Variants in LRRC39 observed in about 807,000 individuals in gnomAD.
The protein encoded by LRRC39 is leucine-rich repeat-containing protein 39.
In LRRC39, 35 loss-of-function variants were observed where a neutral mutation model predicts 39.7. The ratio of observed to expected loss-of-function variants is 0.88; its 90% CI spans 0.67 to 1.17. The LOEUF (loss-of-function observed/expected upper bound fraction) is 1.17. Ranked by LOEUF, LRRC39 falls within the 50% of genes most tolerant of loss-of-function variation. The pLI is 0.00. For synonymous variants in LRRC39, 113 were observed against 134.1 expected (o/e 0.84, Z 1.09); for missense variants, 357 against 385.8 (o/e 0.93, Z 0.62).
intron 4 of LRRC39, among the ~76,000 whole-genome samples, chr1:100,159,987 A>G (rs577619584): frequency 5.3e-5 from 8 of 152,284 alleles, no homozygotes; most frequent in African/African-American, 1.9e-4. Flanking sequence ...AAAAACAAAC[A>G]CTGACCCAAG....
At chr1:100,153,622 G>T (rs1658226930) in intron 8 of LRRC39, among the ~76,000 whole-genome samples, 1 of 152,028 alleles carries the variant, frequency 6.6e-6, no homozygotes, top group Non-Finnish European at 1.5e-5. Flanking sequence ...GCGGGCAAAG[G>T]ACATGAACAG....
chr1:100,174,996 C>G (rs563685748), intron 1 of LRRC39, among the ~76,000 whole-genome samples: 1 of 150,286 alleles, frequency 6.7e-6, no homozygotes, highest in Non-Finnish European at 1.5e-5. Context: ...GGCACCTCCC[C>G]CTGCTCCCTC....
chr1:100,165,877 T>TC (rs1659202800), intron 3 of LRRC39, among the ~76,000 whole-genome samples: 1 of 150,410 alleles, frequency 6.6e-6, no homozygotes, highest in African/African-American at 2.4e-5. Context: ...CCCTTTCTTT[T>TC]TTTTTTTTTT....
Position 100,168,481 on chromosome 1 carries a change from A to G in LRRC39, c.36T>C (p.Asn12=), listed in dbSNP as rs1298445844. ...TENVVCTGAV[N]AVKEVWEKRI... ...TTTTTTCCCAAACTTCCTTTACAGC[A>G]TTGACAGCCCCAGTACAAACCACAT... Residue 12 remains asparagine, a synonymous_variant, in exon 3 of 10, where the codon AAT becomes AAC. Coordinates refer to ENST00000370137, the MANE Select transcript of LRRC39 (RefSeq NM_144620.4). 2 of 1,612,724 alleles carry G rather than the reference A, an allele frequency of 1.2e-6. No homozygotes were observed. Among genetic ancestry groups the G allele is most frequent in the South Asian group, 2.2e-5 (2 of 90,756 alleles).
At chr1:100,149,934 A>G (rs976271332) in intron 9 of LRRC39, 6 of 152,674 alleles carry the variant, frequency 3.9e-5, no homozygotes, top group African/African-American at 7.2e-5. Context: ...TGATTTGTAA[A>G]TAAGAAGCCT....
In LRRC39 at chr1:100,168,573, T is replaced by C; in HGVS notation, c.-57A>G. On this transcript the variant is annotated 5_prime_UTR_variant, in exon 3 of 10. An upstream start codon of the reference 5' UTR is lost. Transcript: ENST00000370137. ...CATTAGGTTTTGAATAGCTGAATCATAGATACCATTTCAGAAAGGACCTAA... is the reference window on the plus strand; with the variant it reads ...CATTAGGTTTTGAATAGCTGAATCACAGATACCATTTCAGAAAGGACCTAA... 7.7e-7 allele frequency: 1 copy of C among 1,307,144 alleles called. No homozygotes were observed. The highest frequency in any genetic ancestry group is 1.3e-5 in the South Asian group (1 of 79,026). The allele number at this position is 1,307,144 out of a possible 1,614,324, so 81.0% of individuals were successfully genotyped here.
Position 100,156,217 on chromosome 1 carries a change from T to A in LRRC39, c.614A>T (p.Asp205Val), listed in dbSNP as rs776872460. 28 of 1,613,866 alleles carry A rather than the reference T, an allele frequency of 1.7e-5. No homozygotes were observed. Among genetic ancestry groups the A allele is most frequent in the Non-Finnish European group, 2.4e-5 (28 of 1,179,906 alleles). ...TTGTTCAAGTTTGTTGCTTCCCATGTCCAGCCACTCAAGGGCAGGCATGTT... is the reference window on the plus strand; with the variant it reads ...TTGTTCAAGTTTGTTGCTTCCCATGACCAGCCACTCAAGGGCAGGCATGTT... Reference protein sequence around the residue: ...VLNMPALEWLDMGSNKLEQLP... With the variant: ...VLNMPALEWLVMGSNKLEQLP... Residue 205 changes from aspartate to valine, a missense_variant, in exon 7 of 10, where the codon GAC becomes GTC. Physicochemically the swap from Asp to Val is radical, Grantham distance 152. Coordinates refer to ENST00000370137, the MANE Select transcript of LRRC39 (RefSeq NM_144620.4).
At chr1:100,164,590 T>C (rs1475129445) in intron 3 of LRRC39, among the ~76,000 whole-genome samples, 1 of 152,248 alleles carries the variant, frequency 6.6e-6, no homozygotes, top group African/African-American at 2.4e-5. Context: ...TAAATTTCTA[T>C]GAATTTTCCA....
At chr1:100,149,455 A>G in intron 9 of LRRC39, 1 of 1,534,436 alleles carries the variant, frequency 6.5e-7, no homozygotes, top group South Asian at 1.3e-5. Flanking sequence ...AAGAAAAAAG[A>G]TTATTTCACT....
chr1:100,168,234 C>T (rs1022502080), intron 3 of LRRC39, among the ~76,000 whole-genome samples, 170 bp downstream of exon 3: 7 of 152,032 alleles, frequency 4.6e-5, no homozygotes, highest in Non-Finnish European at 8.8e-5. Context: ...TGACTCCTAT[C>T]GCATAGACAA....
chr1:100,176,958 T>C (rs568604825), intron 1 of LRRC39, among the ~76,000 whole-genome samples: 51 of 152,294 alleles, frequency 3.3e-4, no homozygotes, highest in African/African-American at 1.2e-3. Flanking sequence ...AACACCGATA[T>C]CCACATCTTC....
chr1:100,166,294 G>A (rs780051824), intron 3 of LRRC39, among the ~76,000 whole-genome samples: 6 of 152,300 alleles, frequency 3.9e-5, no homozygotes, highest in Middle Eastern at 3.4e-3. Flanking sequence ...CAAAAATGTG[G>A]AAGTGACTTT....
intron 1 of LRRC39, among the ~76,000 whole-genome samples, chr1:100,175,777 C>T (rs959561421): frequency 6.6e-6 from 1 of 151,830 alleles, no homozygotes; most frequent in African/African-American, 2.4e-5. Context: ...AAAAAAAAAT[C>T]CAAATGACCA....
At chr1:100,169,758 G>A (rs1659474876) in intron 2 of LRRC39, among the ~76,000 whole-genome samples, 8 of 151,990 alleles carry the variant, frequency 5.3e-5, no homozygotes, top group Admixed American at 5.2e-4. Flanking sequence ...TAAAATTAAT[G>A]TTTTTATCTT....
In LRRC39 at chr1:100,158,234, T is replaced by A. The variant is rs199927631; in HGVS notation, c.510A>T (p.Gln170His). The A allele has an allele frequency of 1.5e-4, 234 of 1,613,724 alleles. No homozygotes were observed. Among genetic ancestry groups the A allele is most frequent in the Middle Eastern group, 3.3e-4 (2 of 6,054 alleles). ...TAGGCATTTATGTCTTTCTAACCTC[T>A]TGTGGAAGATCACATATATCTCTGT... ...AVNRDICDLPQELSNLLKLTH... is the reference protein window; with the variant it reads ...AVNRDICDLPHELSNLLKLTH... The change falls in exon 6 of 10, where the codon CAA becomes CAT. Residue 170 changes from glutamine to histidine, a missense_variant. Physicochemically the swap from Gln to His is conservative, Grantham distance 24. Coordinates refer to ENST00000370137, the MANE Select transcript of LRRC39 (RefSeq NM_144620.4).
chr1:100,151,717 A>G (rs1033924156), intron 9 of LRRC39, among the ~76,000 whole-genome samples: 2 of 152,172 alleles, frequency 1.3e-5, no homozygotes, highest in African/African-American at 2.4e-5. Flanking sequence ...AAGGCCCTCA[A>G]TTAATTATCA....
At chr1:100,158,187 C>G in intron 6 of LRRC39, 44 bp downstream of exon 6, 1 of 1,597,208 alleles carries the variant, frequency 6.3e-7, no homozygotes, top group Non-Finnish European at 8.6e-7. Flanking sequence ...TGGTCAACTA[C>G]TGCAGATGGA....
intron 2 of LRRC39, among the ~76,000 whole-genome samples, chr1:100,172,831 G>A (rs985543672): frequency 1.1e-4 from 17 of 151,830 alleles, no homozygotes; most frequent in Admixed American, 5.2e-4. Flanking sequence ...GTGGTGGCAG[G>A]CGCCTGTAGT....
chr1:100,174,316 T>A (rs919405192), intron 1 of LRRC39, among the ~76,000 whole-genome samples: 3 of 151,784 alleles, frequency 2.0e-5, no homozygotes, highest in Non-Finnish European at 1.5e-5. Context: ...TTTTTTTTTT[T>A]AGACAGGGTC....
Sources: allele counts gnomAD v4.1 joint callset (sites outside exome capture counted in the v4.1 genomes callset), GRCh38; gene constraint gnomAD v4.1.1; transcripts MANE v1.5; gene names NCBI Gene and HGNC (gene_info 2026-07-23, HGNC 2026-07-21).